Variants in BRF1 observed in about 807,000 individuals in gnomAD.
The protein encoded by BRF1 is transcription factor IIIB 90 kDa subunit.
In BRF1, 59 loss-of-function variants were observed where a neutral mutation model predicts 81.7. The observed-to-expected ratio is 0.72, with a 90% CI of 0.59 to 0.90. BRF1 has a LOEUF of 0.90. BRF1 is among the 40% of genes least tolerant of loss of function. The pLI, the probability that BRF1 is intolerant of heterozygous loss-of-function variation, is 0.00. For missense variants in BRF1, 1,050 were observed against 936.3 expected, an observed-to-expected ratio of 1.12 and a Z score of -1.58; for synonymous variants, 491 against 395.6, an observed-to-expected ratio of 1.24 and a Z score of -2.86.
intron 3 of BRF1, among the ~76,000 whole-genome samples, chr14:105,257,363 C>A (rs980620896): frequency 2.6e-5 from 4 of 152,154 alleles, no homozygotes; most frequent in African/African-American, 7.2e-5. Context: ...AGCAGCAAAG[C>A]CCCACCACGC....
At chr14:105,293,683 C>T (rs953004195) in intron 1 of BRF1, among the ~76,000 whole-genome samples, 3 of 152,236 alleles carry the variant, frequency 2.0e-5, no homozygotes, top group Non-Finnish European at 4.4e-5. Context: ...CCTCCAGCCA[C>T]GCTGAGCCTC....
chr14:105,261,996 C>T (rs587747372), intron 3 of BRF1, among the ~76,000 whole-genome samples: 57 of 152,370 alleles, frequency 3.7e-4, no homozygotes, highest in Admixed American at 1.4e-3. Flanking sequence ...CGGGAACACA[C>T]GGCCCGGCCG....
At chr14:105,247,109 G>A (rs936146690) in intron 5 of BRF1, 1 of 985,442 alleles carries the variant, frequency 1.0e-6, no homozygotes, top group Non-Finnish European at 1.2e-6. Flanking sequence ...CAGAAACCAC[G>A]GCCACAGCAG....
chr14:105,248,130 G>A (rs2055251443), intron 5 of BRF1: 1 of 985,494 alleles, frequency 1.0e-6, no homozygotes, highest in African/African-American at 1.7e-5. Context: ...GCCTGCCCCT[G>A]TAAAGCCCTC....
chr14:105,258,874 C>T (rs1040776978), intron 3 of BRF1, among the ~76,000 whole-genome samples: 2 of 152,028 alleles, frequency 1.3e-5, no homozygotes, highest in African/African-American at 4.8e-5. Context: ...TCAACAGAAG[C>T]TTCATGAAGA....
intron 1 of BRF1, among the ~76,000 whole-genome samples, chr14:105,291,913 G>A (rs189389171): frequency 3.9e-5 from 6 of 152,192 alleles, no homozygotes; most frequent in Admixed American, 1.3e-4. Context: ...CAGGAAAATC[G>A]CTTGAACCCG....
At chr14:105,279,915 C>T (rs891940049) in intron 2 of BRF1, among the ~76,000 whole-genome samples, 8 of 152,346 alleles carry the variant, frequency 5.3e-5, no homozygotes, top group Non-Finnish European at 7.4e-5. Context: ...CGTTCTAGAA[C>T]GGCTCCAGCC....
At chr14:105,215,822 C>T (rs1891114618) in intron 15 of BRF1, among the ~76,000 whole-genome samples, 1 of 145,044 alleles carries the variant, frequency 6.9e-6, no homozygotes, top group African/African-American at 2.6e-5. Flanking sequence ...GGCACACACA[C>T]ATGCACACAC....
chr14:105,228,828 C>T lies in BRF1; in HGVS notation c.780G>A (p.Leu260=), dbSNP rs750481772. The change falls in exon 7 of 18, where the codon CTG becomes CTA. Residue 260 remains leucine, a synonymous_variant. Coordinates refer to ENST00000547530, the MANE Select transcript of BRF1 (RefSeq NM_001519.4). ...GAATGAGAGCCCCTCACCTCTTCCGCAGCGTGGACTCACACACTTTGACCA... is the reference window on the plus strand; with the variant it reads ...GAATGAGAGCCCCTCACCTCTTCCGTAGCGTGGACTCACACACTTTGACCA... ...ISVVKVCEST[L]RKRLTEFEDT... is the part of the protein sequence containing the mutation. 9.3e-6 allele frequency: 15 copies of T among 1,613,820 alleles called. No individual in the cohort carries two copies. The highest frequency in any genetic ancestry group is 8.9e-5 in the East Asian group (4 of 44,894).
At chr14:105,278,871 C>T (rs1248850909) in intron 2 of BRF1, among the ~76,000 whole-genome samples, 1 of 152,098 alleles carries the variant, frequency 6.6e-6, no homozygotes, top group Non-Finnish European at 1.5e-5. Context: ...GGTGAAACCC[C>T]GTCTCTACTA....
chr14:105,215,301 C>T (rs1167899327), intron 15 of BRF1, among the ~76,000 whole-genome samples: 2 of 152,044 alleles, frequency 1.3e-5, no homozygotes, highest in Non-Finnish European at 2.9e-5. Flanking sequence ...AAGACCTGCA[C>T]ACCACAATCT....
chr14:105,229,573 G>A (rs1334912816), intron 6 of BRF1, among the ~76,000 whole-genome samples: 1 of 152,222 alleles, frequency 6.6e-6, no homozygotes, highest in East Asian at 1.9e-4. Context: ...AGGGCAAAGT[G>A]AGAGTCTGAG....
chr14:105,226,204 T>C (rs771815312), intron 9 of BRF1, 43 bp from the exon 10 acceptor site: 1 of 1,613,960 alleles, frequency 6.2e-7, no homozygotes, highest in South Asian at 1.1e-5. Flanking sequence ...ATAAAATCAA[T>C]TTTCCCAACA....
intron 11 of BRF1, 113 bp downstream of exon 11, chr14:105,221,522 CCCACCGCCCGAGA>C: frequency 7.3e-7 from 1 of 1,361,134 alleles, no homozygotes; most frequent in South Asian, 1.5e-5. Context: ...ACCACCCAAG[CCCACCGCCCGAGA>C]CCACCACACC....
intron 3 of BRF1, among the ~76,000 whole-genome samples, chr14:105,264,772 T>A (rs1386655464): frequency 6.9e-6 from 1 of 144,732 alleles, no homozygotes; most frequent in East Asian, 2.1e-4. Context: ...GCCTGGGAGG[T>A]CAAGGCTGCA....
intron 15 of BRF1, among the ~76,000 whole-genome samples, chr14:105,216,184 C>A (rs188010599): frequency 2.5e-3 from 383 of 152,330 alleles, no homozygotes; most frequent in African/African-American, 8.5e-3. Flanking sequence ...GACACACATG[C>A]ACACCCGGGC....
At chr14:105,265,712 A>G (rs1418157246) in intron 3 of BRF1, among the ~76,000 whole-genome samples, 1 of 152,072 alleles carries the variant, frequency 6.6e-6, no homozygotes, top group East Asian at 1.9e-4. Flanking sequence ...CCTGGCTAAC[A>G]CAGTGAAACC....
chr14:105,221,434 T>C (rs17620990), intron 11 of BRF1, among the ~76,000 whole-genome samples: 61,161 of 152,054 alleles, frequency 0.4, 16,119 homozygotes, highest in African/African-American at 0.75. Flanking sequence ...CACTGCATTC[T>C]GGCGTCGGCA....
At position 105,272,627 on chromosome 14, in the gene BRF1, C is replaced by T. The variant is rs1040562832; in HGVS notation, c.439+94G>A. The T allele has an allele frequency of 3.5e-6, 5 of 1,438,408 alleles. No homozygotes were observed. The African/African-American group carries it at 7.1e-5, about 20-fold the overall frequency. The allele number at this position is 1,438,408 out of a possible 1,614,324, so 89.1% of individuals were successfully genotyped here. A position where few individuals can be genotyped will look rare whatever the true frequency, so the allele number is the denominator to read the frequency against. On this transcript the variant is annotated intron_variant, in intron 3 of 17. Coordinates refer to ENST00000547530, the MANE Select transcript of BRF1 (RefSeq NM_001519.4). Reference sequence around the variant, plus strand: ...GGTGTTTTTCTATTAAAGACAAACACCAAGTTACTGCAACTACCAAGTCCC... The same window carrying T: ...GGTGTTTTTCTATTAAAGACAAACATCAAGTTACTGCAACTACCAAGTCCC...
Sources: gnomAD v4.1 joint callset for allele counts (sites outside exome capture counted in the v4.1 genomes callset) on GRCh38, gnomAD v4.1.1 for gene constraint, MANE v1.5 for transcripts, NCBI Gene and HGNC (gene_info 2026-07-23, HGNC 2026-07-21) for gene names.